RELN: variants seen among roughly 807,000 people sequenced by gnomAD.
RELN encodes reelin.
A neutral mutation model predicts 427.6 loss-of-function variants in RELN; 108 were observed. The observed-to-expected ratio is 0.25, with a 90% CI of 0.22 to 0.30. The LOEUF is 0.30. Among genes scored for constraint, RELN ranks in the 10% least tolerant of loss-of-function variants. RELN has a pLI of 1.00. For synonymous variants in RELN, 1,524 were observed against 1,513.4 expected, an observed-to-expected ratio of 1.01 and a Z score of -0.16; for missense variants, 3,715 against 4,302.8, an observed-to-expected ratio of 0.86 and a Z score of 3.82.
chr7:103,753,319 A>C, intron 4 of RELN, 105 bp from the exon 5 acceptor site: 1 of 1,141,210 alleles, frequency 8.8e-7, no homozygotes, highest in Non-Finnish European at 1.3e-6. Flanking sequence ...ACATTAAGCA[A>C]ATCAAATGGC....
rs1324469739 is a variant in RELN, at chr7:103,723,179, G to A, written c.766C>T (p.Leu256Phe). ...YGPRELITTG[L>F]NTTTASVLQF... ...AGGACAGAAGCTGTTGTTGTATTAA[G>A]GCCTGTGGTAATCTAAAGAAAAAAG... Residue 256 changes from leucine (L) to phenylalanine (F), a missense_variant, in exon 8 of 65, where the codon CTT becomes TTT. Leu to Phe is a conservative substitution (Grantham distance 22). This residue lies in a region of RELN where 2,208 missense variants were observed against 2,361.7 expected (regional missense o/e 0.93). Coordinates refer to ENST00000428762, the MANE Select transcript of RELN (RefSeq NM_005045.4). 6.3e-7 allele frequency: 1 copy of A among 1,589,758 alleles called. No individual in the cohort carries two copies. The highest frequency in any genetic ancestry group is 8.6e-7 in the Non-Finnish European group (1 of 1,158,284).
chr7:103,710,568 T>C (rs1215637096), intron 8 of RELN, among the ~76,000 whole-genome samples: 1 of 152,178 alleles, frequency 6.6e-6, no homozygotes, highest in Non-Finnish European at 1.5e-5. Flanking sequence ...TGTCCTCAAA[T>C]ATAAATAAGA....
At chr7:103,625,018 G>A (rs1832298869) in intron 20 of RELN, among the ~76,000 whole-genome samples, 1 of 152,098 alleles carries the variant, frequency 6.6e-6, no homozygotes, top group Admixed American at 6.5e-5. Context: ...TGTTCCTCAA[G>A]CACCATTAAT....
chr7:103,679,885 C>T (rs139265221), intron 11 of RELN, among the ~76,000 whole-genome samples: 3,221 of 152,182 alleles, frequency 0.021, 101 homozygotes, highest in Admixed American at 0.098. Flanking sequence ...CAAGTCAATT[C>T]CTTTCTAAGC....
chr7:103,791,299 C>G (rs932397936), intron 3 of RELN, among the ~76,000 whole-genome samples: 8 of 152,092 alleles, frequency 5.3e-5, no homozygotes, highest in Non-Finnish European at 1.2e-4. Context: ...TCAAAATAAT[C>G]ATGATAAAGA....
chr7:103,523,516 A>G lies in RELN; in HGVS notation c.7365T>C (p.Arg2455=), dbSNP rs1343614249. Residue 2455 remains arginine (R), a synonymous_variant, in exon 47 of 65, where the codon CGT becomes CGC. Transcript: ENST00000428762. ...LPPYTRSQAT[R]FRWHQPAPFD... The stretch of plus-strand genomic sequence containing the variant: ...AAGGAGCTGGTTGATGCCAACGGAA[A>G]CGAGTGGCTTGGGACCTTTGAAGAA... 2 of 1,614,000 alleles carry G rather than the reference A, an allele frequency of 1.2e-6. No individual in the cohort carries two copies. Among genetic ancestry groups the G allele is most frequent in the Non-Finnish European group, 1.7e-6 (2 of 1,180,022 alleles).
chr7:103,509,400 G>T (rs192437019), intron 51 of RELN, among the ~76,000 whole-genome samples: 1 of 152,206 alleles, frequency 6.6e-6, no homozygotes, highest in Admixed American at 6.5e-5. Context: ...ACAAGCAATG[G>T]GGAAAGGATT....
At chr7:103,894,775 A>C (rs1794923494) in intron 2 of RELN, among the ~76,000 whole-genome samples, 1 of 152,146 alleles carries the variant, frequency 6.6e-6, no homozygotes, top group African/African-American at 2.4e-5. Context: ...ATCAAGAGAA[A>C]AGCAAATTAT....
At chr7:103,594,587 G>T in intron 25 of RELN, 95 bp from the exon 26 acceptor site, 1 of 1,303,446 alleles carries the variant, frequency 7.7e-7, no homozygotes, top group Non-Finnish European at 1.1e-6. Flanking sequence ...CAAGAGAAAA[G>T]TTTTGTTTGG....
chr7:103,969,821 G>A (rs370929613), intron 1 of RELN, among the ~76,000 whole-genome samples: 69 of 152,212 alleles, frequency 4.5e-4, no homozygotes, highest in African/African-American at 1.6e-3. Context: ...ATTTATTATC[G>A]TGTCACTATG....
rs182880473 is a variant in RELN at position 103,955,965 on chromosome 7, T to C, written c.226+33166A>G. ...TGTGGGCCACTGCAGCTTCCATTCTTTCTAACCACTATGTCTTTGGGTTCA... is the reference window on the plus strand; with the variant it reads ...TGTGGGCCACTGCAGCTTCCATTCTCTCTAACCACTATGTCTTTGGGTTCA... On this transcript the variant is annotated intron_variant, in intron 1 of 64. Transcript: ENST00000428762. 2.6e-5 allele frequency among the ~76,000 whole-genome samples: 4 copies of C among 152,332 alleles called. No homozygotes were observed. In the East Asian group the frequency reaches 7.7e-4, roughly 29 times the overall value.
intron 2 of RELN, among the ~76,000 whole-genome samples, chr7:103,890,156 T>C (rs994413692): frequency 6.6e-6 from 1 of 152,096 alleles, no homozygotes; most frequent in Non-Finnish European, 1.5e-5. Context: ...CCATTGATAC[T>C]GCAGTTATAC....
intron 3 of RELN, among the ~76,000 whole-genome samples, chr7:103,805,174 T>C (rs2116323211): frequency 6.6e-6 from 1 of 152,264 alleles, no homozygotes; most frequent in East Asian, 1.9e-4. Flanking sequence ...ATAACCTGTC[T>C]AAGCACCAGA....
intron 45 of RELN, among the ~76,000 whole-genome samples, chr7:103,538,073 G>C (rs1830095487): frequency 6.6e-6 from 1 of 152,148 alleles, no homozygotes; most frequent in Non-Finnish European, 1.5e-5. Context: ...CTACTTTTCT[G>C]TCTTCTCTTT....
chr7:103,702,861 G>A (rs776087780), intron 8 of RELN, among the ~76,000 whole-genome samples: 13 of 152,078 alleles, frequency 8.5e-5, no homozygotes, highest in Admixed American at 2.6e-4. Context: ...GCAAGTCAAC[G>A]GAATCATGTT....
Position 103,574,389 on chromosome 7 carries a change from A to G in RELN, c.4304-90T>C, listed in dbSNP as rs1229185314. On this transcript the variant is annotated intron_variant, in intron 29 of 64. Transcript: ENST00000428762. ...ACACATGGGCAAAGGAAGAATGTCCATAGGGATTAACATTAGGGAGAGAGG... is the reference window on the plus strand; with the variant it reads ...ACACATGGGCAAAGGAAGAATGTCCGTAGGGATTAACATTAGGGAGAGAGG... 29 of 1,081,448 alleles carry G rather than the reference A, an allele frequency of 2.7e-5. 1 individual carries two copies. The highest frequency in any genetic ancestry group is 5.6e-4 in the Middle Eastern group (2 of 3,566). 67.0% of individuals were successfully genotyped at this position (1,081,448 alleles called of 1,614,324 possible). A position where few individuals can be genotyped will look rare whatever the true frequency, so the allele number is the denominator to read the frequency against.
At chr7:103,904,975 C>CTTTTTTTTTTTTTT (rs67024941) in intron 2 of RELN, among the ~76,000 whole-genome samples, 6 of 77,362 alleles carry the variant, frequency 7.8e-5, no homozygotes, top group Admixed American at 1.9e-4. Flanking sequence ...AAGTTCTTTC[C>CTTTTTTTTTTTTTT]TTTTTTTTTT....
intron 1 of RELN, among the ~76,000 whole-genome samples, chr7:103,974,270 A>G (rs747218937): frequency 6.6e-6 from 1 of 152,072 alleles, no homozygotes; most frequent in Non-Finnish European, 1.5e-5. Context: ...TATCATCACT[A>G]TTTTTCAGAC....
chr7:103,627,694 T>C lies in RELN; in HGVS notation c.2702+2246A>G, dbSNP rs144932557. Among the ~76,000 whole-genome samples the C allele has an allele frequency of 7.4e-3, 1,122 of 152,314 alleles. 12 individuals carry two copies. The highest frequency in any genetic ancestry group is 0.011 in the Non-Finnish European group (747 of 68,022). On this transcript the variant is annotated intron_variant, in intron 20 of 64. Transcript: ENST00000428762. ...AGTCAAATCGATTGCTCACATGTGGTTGTTAATAAAACTCCTATGGTGCTG... is the reference window on the plus strand; with the variant it reads ...AGTCAAATCGATTGCTCACATGTGGCTGTTAATAAAACTCCTATGGTGCTG...
Sources: gnomAD v4.1 joint callset for allele counts (sites outside exome capture counted in the v4.1 genomes callset) on GRCh38, gnomAD v4.1.1 for gene constraint, gnomAD v4.1.1 regional missense constraint, MANE v1.5 for transcripts, NCBI Gene and HGNC (gene_info 2026-07-23, HGNC 2026-07-21) for gene names.